The following NR5A2 variants were observed in gnomAD, a reference collection of about 807,000 sequenced individuals.
NR5A2 encodes CYP7A promoter-binding factor.
A neutral mutation model predicts 62.7 loss-of-function variants in NR5A2; 26 were observed. The ratio of observed to expected loss-of-function variants is 0.41; its 90% confidence interval spans 0.30 to 0.58. NR5A2 has a LOEUF of 0.58. Ranked by LOEUF, NR5A2 falls within the 20% of genes least tolerant of loss-of-function variation. The pLI, the probability that NR5A2 is intolerant of heterozygous loss-of-function variation, is 0.22. For missense variants in NR5A2, 541 were observed against 669.1 expected (o/e 0.81, Z 2.11); for synonymous variants, 246 against 241.7 (o/e 1.02, Z -0.16).
rs533211529 is a variant in NR5A2 at position 200,087,691 on chromosome 1, G to A, written c.1111-23511G>A. 8.6e-5 allele frequency among the ~76,000 whole-genome samples: 13 copies of A among 151,896 alleles called. No individual in the cohort carries two copies. In the East Asian group the frequency reaches 1.4e-3, roughly 16 times the overall value. On this transcript the variant is annotated intron_variant, in intron 5 of 7. Coordinates refer to ENST00000367362, the MANE Select transcript of NR5A2 (RefSeq NM_205860.3). The stretch of plus-strand genomic sequence containing the variant: ...ATTACAGGAGTGAGCCACCGCGCCC[G>A]GCTTTATTTCCCTTTTATCTGTTCT...
At chr1:200,034,140 G>A (rs1661655799) in intron 1 of NR5A2, among the ~76,000 whole-genome samples, 1 of 152,156 alleles carries the variant, frequency 6.6e-6, no homozygotes, top group Admixed American at 6.5e-5. Context: ...AGGTTGAAGC[G>A]GAGGAGAGGG....
chr1:200,038,642 A>AAGGG, intron 1 of NR5A2: 2 of 1,180,030 alleles, frequency 1.7e-6, no homozygotes, highest in Non-Finnish European at 2.3e-6. Context: ...CTCATCCGAC[A>AAGGG]CACTAGCAAG....
At chr1:200,167,255 C>A (rs537103653) in intron 7 of NR5A2, among the ~76,000 whole-genome samples, 89 of 152,284 alleles carry the variant, frequency 5.8e-4, no homozygotes, top group Admixed American at 1.0e-3. Flanking sequence ...ACCTAGACTC[C>A]TTAAATATTG....
rs537685930 is a variant in NR5A2, at chr1:200,121,009, G to A, written c.1378+54G>A. 1.4e-4 allele frequency: 225 copies of A among 1,592,620 alleles called. 2 individuals are homozygous for A. In the South Asian group the frequency reaches 2.4e-3, roughly 17 times the overall value. ...CAACCAACGATTGCTAAATGATGTT[G>A]AAGTTCAAATATCTTGTGGTCCATG... On this transcript the variant is annotated intron_variant, in intron 7 of 7. Transcript: ENST00000367362.
At chr1:200,075,231 A>AT (rs1663971097) in intron 5 of NR5A2, among the ~76,000 whole-genome samples, 1 of 152,252 alleles carries the variant, frequency 6.6e-6, no homozygotes, top group Admixed American at 6.5e-5. Flanking sequence ...TTTACCAAGT[A>AT]TACATAAGTC....
In NR5A2 at chr1:200,039,781, C is replaced by T. The variant is rs1032355029; in HGVS notation, c.188C>T (p.Pro63Leu). The T allele has an allele frequency of 1.1e-5, 17 of 1,605,586 alleles. No individual in the cohort carries two copies. Among genetic ancestry groups the T allele is most frequent in the Non-Finnish European group, 1.3e-5 (15 of 1,176,488 alleles). Residue 63 changes from proline (P) to leucine (L), a missense_variant, in exon 2 of 8, where the codon CCG (proline) becomes CTG (leucine). Around this residue, in one of 3 missense-constraint regions of NR5A2, gnomAD observed 108 missense variants for 103.3 expected, o/e 1.05. Transcript: ENST00000367362. The surrounding 1 kb of genome is among the most constrained non-coding windows in gnomAD (Gnocchi z 5.1). ...ARSHGEQGQM[P>L]ENMQVSQFKM... ...TCGCATGGGGAACAGGGCCAGATGC[C>T]GGAAAACATGCAAGGTAAGGAGGCG...
intron 5 of NR5A2, chr1:200,057,623 C>T (rs1246521774): frequency 1.6e-5 from 6 of 365,502 alleles, no homozygotes; most frequent in Non-Finnish European, 2.2e-5. Flanking sequence ...GGATTACAGG[C>T]GTGCACCACA....
rs1276860770 is a variant in NR5A2 at position 200,073,274 on chromosome 1, ATATATATATATATATATTCCCCTT to A, written c.1110+24516_1110+24539del. Among the ~76,000 whole-genome samples the A allele has an allele frequency of 6.6e-3, 673 of 101,998 alleles. 6 individuals carry two copies. Among genetic ancestry groups the A allele is most frequent in the Non-Finnish European group, 0.01 (511 of 50,706 alleles). The allele number at this position is 101,998 out of a possible 152,430, so 66.9% of individuals were successfully genotyped here. On this transcript the variant is annotated intron_variant, in intron 5 of 7. Coordinates refer to ENST00000367362, the MANE Select transcript of NR5A2 (RefSeq NM_205860.3). ...TATATATATATATTCCCCTTTATAT[ATATATATATATATATATTCCCCTT>A]TATATATATATATATATTCCCCTTT...
chr1:200,034,607 G>A (rs138792270), intron 1 of NR5A2, among the ~76,000 whole-genome samples: 1 of 117,650 alleles, frequency 8.5e-6, no homozygotes, highest in Admixed American at 9.9e-5. Flanking sequence ...CGGGGGGGTG[G>A]GTGGGGGGTA....
In NR5A2 at chr1:200,175,746, A is replaced by T. The variant is rs1654390027; in HGVS notation, c.*1536A>T. 6.6e-6 allele frequency: 1 copy of T among 152,554 alleles called. No individual in the cohort carries two copies. 9.5% of individuals were successfully genotyped at this position (152,554 alleles called of 1,614,324 possible). ...TAATTATTTTTAACAGTACTTAATT[A>T]TTCTATGTCGTGAGACACTAAAATC... On this transcript the variant is annotated 3_prime_UTR_variant, in exon 8 of 8. Transcript: ENST00000367362.
intron 7 of NR5A2, among the ~76,000 whole-genome samples, chr1:200,171,153 A>G (rs184328847): frequency 4.6e-5 from 7 of 152,360 alleles, no homozygotes; most frequent in African/African-American, 1.7e-4. Context: ...GAATTCACTC[A>G]GAACTTCTTC....
chr1:200,032,421 T>C (rs1661580865), intron 1 of NR5A2, among the ~76,000 whole-genome samples: 1 of 152,194 alleles, frequency 6.6e-6, no homozygotes, highest in African/African-American at 2.4e-5. Context: ...TAAGAAAAGA[T>C]ATTTGGAGTG....
At chr1:200,113,075 AGAACAAT>A (rs1666036534) in intron 6 of NR5A2, among the ~76,000 whole-genome samples, 1 of 152,264 alleles carries the variant, frequency 6.6e-6, no homozygotes, top group African/African-American at 2.4e-5. Context: ...TTCAAAACCA[AGAACAAT>A]CAAGGAATGG....
Position 200,034,783 on chromosome 1 carries a change from C to CTTTTTTTTT in NR5A2, c.65-4852_65-4844dup, listed in dbSNP as rs767393832. On this transcript the variant is annotated intron_variant, in intron 1 of 7. Transcript: ENST00000367362. Reference sequence around the variant, plus strand: ...GTTATTCACACGTGCAGCAGAAAGGCTTTTTTTTTTTTTTTTTTTTTTTTT... The same window carrying CTTTTTTTTT: ...GTTATTCACACGTGCAGCAGAAAGGCTTTTTTTTTTTTTTTTTTTTTTTTTTTTTTTTTT... Among the ~76,000 whole-genome samples, 237 of 71,284 alleles carry CTTTTTTTTT rather than the reference C, an allele frequency of 3.3e-3. 19 individuals are homozygous for CTTTTTTTTT. Among genetic ancestry groups the CTTTTTTTTT allele is most frequent in the African/African-American group, 0.012 (230 of 18,908 alleles). The allele number at this position is 71,284 out of a possible 152,430, so 46.8% of individuals were successfully genotyped here.
At chr1:200,164,065 A>G (rs934749725) in intron 7 of NR5A2, among the ~76,000 whole-genome samples, 1 of 151,660 alleles carries the variant, frequency 6.6e-6, no homozygotes. Flanking sequence ...AGAAATGTGT[A>G]TCACCTCCCT....
At chr1:200,121,205 T>TC (rs1243598599) in intron 7 of NR5A2, among the ~76,000 whole-genome samples, 1 of 152,184 alleles carries the variant, frequency 6.6e-6, no homozygotes, top group African/African-American at 2.4e-5. Flanking sequence ...TGGTTTTTCT[T>TC]CCATAATATA....
intron 5 of NR5A2, among the ~76,000 whole-genome samples, chr1:200,052,488 T>G (rs1326668506): frequency 6.6e-6 from 1 of 152,136 alleles, no homozygotes; most frequent in African/African-American, 2.4e-5. Flanking sequence ...GCCTGTTTTA[T>G]TCATTAAATA....
At chr1:200,092,873 CTTTTTTTTTTT>C (rs869028679) in intron 5 of NR5A2, among the ~76,000 whole-genome samples, 7 of 64,248 alleles carry the variant, frequency 1.1e-4, no homozygotes, top group African/African-American at 2.7e-4. Flanking sequence ...AAAGACAGGT[CTTTTTTTTTTT>C]TTTTTTTTTT....
At chr1:200,097,050 T>C (rs575782603) in intron 5 of NR5A2, among the ~76,000 whole-genome samples, 9 of 152,206 alleles carry the variant, frequency 5.9e-5, no homozygotes, top group Non-Finnish European at 8.8e-5. Flanking sequence ...TGAGAATACC[T>C]CTAGAAACAC....
Sources: allele counts gnomAD v4.1 joint callset (sites outside exome capture counted in the v4.1 genomes callset), GRCh38; gene constraint gnomAD v4.1.1; regional missense constraint gnomAD v4.1.1; non-coding constraint Gnocchi (gnomAD v3.1); transcripts MANE v1.5; gene names NCBI Gene and HGNC (gene_info 2026-07-23, HGNC 2026-07-21).